SDK1: variants seen among roughly 807,000 people sequenced by gnomAD.
SDK1 encodes protein sidekick-1.
A neutral mutation model predicts 245.5 loss-of-function variants in SDK1; 157 were observed. The ratio of observed to expected loss-of-function variants is 0.64; its 90% CI spans 0.56 to 0.73. The LOEUF is 0.73. SDK1 is among the 30% of genes least tolerant of loss of function. The pLI, the probability that SDK1 is intolerant of heterozygous loss-of-function variation, is 0.00. For synonymous variants in SDK1, 1,647 were observed against 1,278.5 expected, an observed-to-expected ratio of 1.29 and a Z score of -6.15; for missense variants, 3,583 against 3,002.3, an observed-to-expected ratio of 1.19 and a Z score of -4.52.
chr7:3,977,971 A>G (rs938201083), intron 13 of SDK1, among the ~76,000 whole-genome samples: 12 of 152,138 alleles, frequency 7.9e-5, no homozygotes, highest in Admixed American at 5.9e-4. Flanking sequence ...TTTCCCCACC[A>G]TGGGTATACA....
At chr7:3,823,732 C>G (rs1333089793) in intron 5 of SDK1, among the ~76,000 whole-genome samples, 2 of 152,118 alleles carry the variant, frequency 1.3e-5, no homozygotes, top group Non-Finnish European at 2.9e-5. Flanking sequence ...AAGTGAGATA[C>G]AAGGCAGTTG....
chr7:3,402,234 C>CT (rs1423828343), intron 1 of SDK1, among the ~76,000 whole-genome samples: 1 of 152,110 alleles, frequency 6.6e-6, no homozygotes, highest in Admixed American at 6.6e-5. Context: ...AATTGAGATT[C>CT]TTAGGAAAGG....
chr7:3,664,172 T>C (rs963422233), intron 4 of SDK1, among the ~76,000 whole-genome samples: 15 of 152,188 alleles, frequency 9.9e-5, no homozygotes, highest in African/African-American at 2.4e-5. Context: ...GGTGGAATGC[T>C]TGACAAAAAC....
At chr7:4,113,266 C>T in intron 23 of SDK1, 23 bp from the exon 24 acceptor site, 2 of 1,606,824 alleles carry the variant, frequency 1.2e-6, no homozygotes, top group Non-Finnish European at 1.7e-6. Context: ...TGCCGTGACT[C>T]TCATCAGTGG....
intron 1 of SDK1, among the ~76,000 whole-genome samples, chr7:3,451,130 G>A (rs1382019894): frequency 3.3e-5 from 5 of 152,130 alleles, no homozygotes; most frequent in African/African-American, 1.2e-4. Context: ...GCTGGGAGAT[G>A]ATGTAGGGCT....
At chr7:3,983,209 G>A (rs954063049) in intron 13 of SDK1, among the ~76,000 whole-genome samples, 4 of 152,226 alleles carry the variant, frequency 2.6e-5, no homozygotes, top group Non-Finnish European at 5.9e-5. Context: ...AGCTGTGGCA[G>A]GGTTTGGGAG....
intron 1 of SDK1, among the ~76,000 whole-genome samples, chr7:3,439,246 A>G (rs566472224): frequency 6.6e-6 from 1 of 152,262 alleles, no homozygotes; most frequent in South Asian, 2.1e-4. Context: ...TATTTAGATA[A>G]ATAAACTCTT....
chr7:3,983,963 T>C (rs1783617396), intron 13 of SDK1, among the ~76,000 whole-genome samples: 1 of 152,204 alleles, frequency 6.6e-6, no homozygotes, highest in African/African-American at 2.4e-5. Flanking sequence ...CGGGTAGCTC[T>C]TGCCGCCTAC....
At chr7:4,143,974 T>C (rs1255532610) in intron 28 of SDK1, among the ~76,000 whole-genome samples, 2 of 152,102 alleles carry the variant, frequency 1.3e-5, no homozygotes, top group Admixed American at 6.5e-5. Flanking sequence ...ACCGTCAGAG[T>C]GCGGGGCGGC....
intron 35 of SDK1, among the ~76,000 whole-genome samples, chr7:4,185,993 A>C (rs991512448): frequency 4.6e-5 from 7 of 152,146 alleles, no homozygotes; most frequent in Non-Finnish European, 7.4e-5. Context: ...CAGGGAGCTC[A>C]GGGAGGGCCT....
chr7:4,247,877 C>T (rs1786998802), intron 44 of SDK1, among the ~76,000 whole-genome samples: 1 of 152,150 alleles, frequency 6.6e-6, no homozygotes, highest in South Asian at 2.1e-4. Context: ...CAGTGTACCC[C>T]TTCCCTCCCC....
At chr7:3,542,678 A>G (rs201159929) in intron 1 of SDK1, among the ~76,000 whole-genome samples, 89 of 152,234 alleles carry the variant, frequency 5.8e-4, no homozygotes, top group Non-Finnish European at 7.1e-4. Flanking sequence ...ACTATTGGCT[A>G]TGCCTTACAG....
intron 1 of SDK1, among the ~76,000 whole-genome samples, chr7:3,376,862 C>A (rs899886591): frequency 6.6e-6 from 1 of 151,124 alleles, no homozygotes; most frequent in Non-Finnish European, 1.5e-5. Flanking sequence ...TTCTTTTTTT[C>A]CTCTATTTCC....
chr7:3,770,798 C>G (rs1227565258), intron 4 of SDK1, among the ~76,000 whole-genome samples: 1 of 152,110 alleles, frequency 6.6e-6, no homozygotes, highest in Non-Finnish European at 1.5e-5. Context: ...TCCTGTTCAG[C>G]TCAGGTAAGG....
In SDK1 at chr7:3,801,632, A is replaced by T. The variant is rs147833671; in HGVS notation, c.714-19818A>T. On this transcript the variant is annotated intron_variant, in intron 4 of 44. Transcript: ENST00000404826. ...GATGGATTGATGATGAGTCCTTCTC[A>T]TTGATAAGGACCCTGAGCAAGGCCT... Among the ~76,000 whole-genome samples, 599 of 152,286 alleles carry T rather than the reference A, an allele frequency of 3.9e-3. 5 individuals carry two copies. Among genetic ancestry groups the T allele is most frequent in the African/African-American group, 0.014 (579 of 41,540 alleles).
chr7:3,594,504 T>G (rs1442928199), intron 1 of SDK1, among the ~76,000 whole-genome samples: 1 of 152,228 alleles, frequency 6.6e-6, no homozygotes, highest in African/African-American at 2.4e-5. Context: ...GGTAACTTGA[T>G]ACCTAACATT....
chr7:3,974,090 A>C (rs1317765818), intron 12 of SDK1, among the ~76,000 whole-genome samples: 1 of 151,532 alleles, frequency 6.6e-6, no homozygotes, highest in Non-Finnish European at 1.5e-5. Flanking sequence ...AGGCTGAGGC[A>C]CAAGAATTGC....
intron 1 of SDK1, among the ~76,000 whole-genome samples, chr7:3,550,977 T>C (rs1779384614): frequency 6.6e-6 from 1 of 152,222 alleles, no homozygotes; most frequent in Non-Finnish European, 1.5e-5. Flanking sequence ...TTACACAGAA[T>C]GTATAGCAGT....
intron 7 of SDK1, among the ~76,000 whole-genome samples, chr7:3,955,489 A>G (rs903514484): frequency 1.3e-5 from 2 of 152,136 alleles, no homozygotes; most frequent in Admixed American, 1.3e-4. Context: ...CCCTCTTGCC[A>G]AGTGAGACAG....
Sources: allele counts gnomAD v4.1 joint callset (sites outside exome capture counted in the v4.1 genomes callset), GRCh38; gene constraint gnomAD v4.1.1; transcripts MANE v1.5; gene names NCBI Gene and HGNC (gene_info 2026-07-23, HGNC 2026-07-21).